Variants in ATG5 observed in about 807,000 individuals in gnomAD.
ATG5 encodes the protein autophagy related 5.
Under a neutral mutation model 36.5 loss-of-function variants are expected in ATG5, and 14 were observed. That is an observed-to-expected ratio of 0.38 (90% confidence interval 0.25 to 0.60). ATG5 has a LOEUF of 0.60. ATG5 is among the 20% of genes least tolerant of loss of function. The pLI is 0.60. For synonymous variants in ATG5, 95 were observed against 101.5 expected, an observed-to-expected ratio of 0.94 and a Z score of 0.38; for missense variants, 195 against 326.7, an observed-to-expected ratio of 0.60 and a Z score of 3.11.
At chr6:106,203,028 A>ATG (rs902768327) in intron 6 of ATG5, among the ~76,000 whole-genome samples, 15 of 152,018 alleles carry the variant, frequency 9.9e-5, no homozygotes, top group African/African-American at 1.4e-4. Flanking sequence ...GAGACAGAGA[A>ATG]TGTGTGTGTG....
At chr6:106,252,777 T>C (rs1207640090) in intron 5 of ATG5, among the ~76,000 whole-genome samples, 2 of 152,228 alleles carry the variant, frequency 1.3e-5, no homozygotes, top group Admixed American at 1.3e-4. Context: ...TGAAATGGTC[T>C]CCACATGCAT....
intron 5 of ATG5, among the ~76,000 whole-genome samples, chr6:106,248,543 G>T (rs1043670479): frequency 1.3e-5 from 2 of 152,162 alleles, no homozygotes; most frequent in African/African-American, 2.4e-5. Context: ...AACACACCAG[G>T]TAGAGGATAG....
chr6:106,248,436 T>G (rs1198664430), intron 5 of ATG5, among the ~76,000 whole-genome samples, 192 bp from the exon 6 acceptor site: 1 of 152,210 alleles, frequency 6.6e-6, no homozygotes, highest in Non-Finnish European at 1.5e-5. Flanking sequence ...TTCTACATTA[T>G]TGCATCCTCT....
intron 7 of ATG5, among the ~76,000 whole-genome samples, chr6:106,189,941 C>T (rs191306142): frequency 7.9e-4 from 120 of 152,142 alleles, no homozygotes; most frequent in Non-Finnish European, 1.4e-3. Flanking sequence ...TTATATAGGG[C>T]ACTTTTTAGA....
chr6:106,318,869 C>T (rs1208612511), intron 1 of ATG5, among the ~76,000 whole-genome samples: 1 of 152,124 alleles, frequency 6.6e-6, no homozygotes, highest in African/African-American at 2.4e-5. Context: ...ATACACTTAA[C>T]TTTAAAAATA....
chr6:106,321,223 G>C (rs1771051440), intron 1 of ATG5, among the ~76,000 whole-genome samples: 1 of 152,066 alleles, frequency 6.6e-6, no homozygotes, highest in African/African-American at 2.4e-5. Flanking sequence ...GGGCTGTTAG[G>C]TGTTTAGTAC....
intron 1 of ATG5, among the ~76,000 whole-genome samples, chr6:106,324,903 G>A (rs933472124): frequency 6.6e-6 from 1 of 152,270 alleles, no homozygotes; most frequent in African/African-American, 2.4e-5. Context: ...GAAGGCTTTG[G>A]AAGTTCAGCT....
chr6:106,220,673 A>G (rs1777212647), intron 6 of ATG5, among the ~76,000 whole-genome samples: 1 of 152,186 alleles, frequency 6.6e-6, no homozygotes, highest in Non-Finnish European at 1.5e-5. Flanking sequence ...AGAAGGAACC[A>G]CTACCAAGAA....
chr6:106,189,442 T>TA (rs961606290), intron 7 of ATG5, among the ~76,000 whole-genome samples: 3 of 151,396 alleles, frequency 2.0e-5, no homozygotes, highest in East Asian at 1.9e-4. Flanking sequence ...CTACAAAAAA[T>TA]AAAAAAACTC....
At position 106,246,113 on chromosome 6, in the gene ATG5, C is replaced by A. The variant is rs1292126715; in HGVS notation, c.573+2037G>T. Among the ~76,000 whole-genome samples the A allele has an allele frequency of 4.6e-5, 7 of 152,060 alleles. No homozygotes were observed. The Middle Eastern group carries it at 0.014, about 296-fold the overall frequency. ...ACTTTAATTAAATTCAAATAAAAAC[C>A]AAAATGGAACTGAGATAAAGCCAAA... On this transcript the variant is annotated intron_variant, in intron 6 of 7. Coordinates refer to ENST00000369076, the MANE Select transcript of ATG5 (RefSeq NM_004849.4).
intron 6 of ATG5, among the ~76,000 whole-genome samples, chr6:106,239,477 T>C (rs936960948): frequency 2.6e-5 from 4 of 152,184 alleles, no homozygotes; most frequent in African/African-American, 9.6e-5. Context: ...ACTGAATAAG[T>C]GATTTTAAAA....
chr6:106,307,226 A>C (rs891334283), intron 3 of ATG5, among the ~76,000 whole-genome samples: 8 of 151,696 alleles, frequency 5.3e-5, no homozygotes, highest in Non-Finnish European at 1.2e-4. Flanking sequence ...TCTTTCAAAA[A>C]CTCTTCATTT....
chr6:106,260,094 C>T (rs1778955479), intron 5 of ATG5, among the ~76,000 whole-genome samples: 1 of 152,108 alleles, frequency 6.6e-6, no homozygotes, highest in Non-Finnish European at 1.5e-5. Context: ...ACATCACACA[C>T]TGAGGCCTGT....
intron 7 of ATG5, among the ~76,000 whole-genome samples, chr6:106,196,934 T>C (rs1687769345): frequency 1.3e-5 from 2 of 152,104 alleles, no homozygotes; most frequent in South Asian, 2.1e-4. Flanking sequence ...TAAGCCCTCT[T>C]TCCTGGATTA....
rs548973940 is a variant in ATG5, at chr6:106,225,849, T to A, written c.573+22301A>T. Among the ~76,000 whole-genome samples the A allele has an allele frequency of 2.0e-5, 3 of 152,222 alleles. No homozygotes were observed. The East Asian group carries it at 5.8e-4, about 29-fold the overall frequency. On this transcript the variant is annotated intron_variant, in intron 6 of 7. Coordinates refer to ENST00000369076, the MANE Select transcript of ATG5 (RefSeq NM_004849.4). ...CAATTGTTAAACATCACATCTGCCA[T>A]GAGATAGCAATAACAGATGGGACAA...
chr6:106,299,008 C>CATAT (rs1770096969), intron 3 of ATG5, among the ~76,000 whole-genome samples: 1 of 152,178 alleles, frequency 6.6e-6, no homozygotes, highest in African/African-American at 2.4e-5. Context: ...ACAGAAACCA[C>CATAT]ATATACCCTA....
chr6:106,210,158 TGA>T (rs2114388892), intron 6 of ATG5, among the ~76,000 whole-genome samples: 1 of 152,278 alleles, frequency 6.6e-6, no homozygotes, highest in Non-Finnish European at 1.5e-5. Context: ...TCAACACAAA[TGA>T]GTGAGGAAAG....
chr6:106,272,554 C>G (rs956883443), intron 5 of ATG5, among the ~76,000 whole-genome samples: 2 of 152,200 alleles, frequency 1.3e-5, no homozygotes, highest in Non-Finnish European at 1.5e-5. Flanking sequence ...ACCACTCTCT[C>G]TAGCCCTTCC....
chr6:106,317,547 A>G (rs142330889), intron 1 of ATG5, among the ~76,000 whole-genome samples: 1 of 152,344 alleles, frequency 6.6e-6, no homozygotes, highest in Non-Finnish European at 1.5e-5. Context: ...GTCCAACATA[A>G]AAGTACTAGG....
Sources: gnomAD v4.1 joint callset for allele counts (sites outside exome capture counted in the v4.1 genomes callset) on GRCh38, gnomAD v4.1.1 for gene constraint, MANE v1.5 for transcripts, NCBI Gene and HGNC (gene_info 2026-07-23, HGNC 2026-07-21) for gene names.